The following PCDH15 variants were observed in gnomAD, a reference collection of about 807,000 sequenced individuals.
The protein encoded by PCDH15 is protocadherin-15.
Under a neutral mutation model 178.5 loss-of-function variants are expected in PCDH15, and 129 were observed. That is an observed-to-expected ratio of 0.72 (90% confidence interval 0.63 to 0.84). PCDH15 has a LOEUF of 0.84. Among genes scored for constraint, PCDH15 ranks in the 40% least tolerant of loss-of-function variants. The probability of loss-of-function intolerance (pLI) is 0.00; values close to 1 mark genes in which losing one functional copy is unlikely to be tolerated. For synonymous variants in PCDH15, 800 were observed against 732.0 expected (o/e 1.09, Z -1.50); for missense variants, 2,230 against 2,099.9 (o/e 1.06, Z -1.21).
chr10:54,042,778 T>C (rs549918140), intron 18 of PCDH15, among the ~76,000 whole-genome samples: 1 of 152,256 alleles, frequency 6.6e-6, no homozygotes, highest in African/African-American at 2.4e-5. Context: ...TCATCTAATT[T>C]GCATTTTTAA....
chr10:54,437,371 TGAA>T (rs2075492396), intron 3 of PCDH15, among the ~76,000 whole-genome samples: 1 of 151,800 alleles, frequency 6.6e-6, no homozygotes, highest in Admixed American at 6.6e-5. Flanking sequence ...AATTTGTTAC[TGAA>T]GAAAAAAATT....
intron 7 of PCDH15, among the ~76,000 whole-genome samples, chr10:54,326,251 ATGT>A (rs1405331780): frequency 1.3e-5 from 2 of 152,166 alleles, no homozygotes; most frequent in Non-Finnish European, 2.9e-5. Flanking sequence ...CAGATTTAAA[ATGT>A]TGTGAAAATG....
At chr10:54,868,125 G>C (rs963492938) in intron 3 of PCDH15, among the ~76,000 whole-genome samples, 1 of 151,900 alleles carries the variant, frequency 6.6e-6, no homozygotes, top group Non-Finnish European at 1.5e-5. Flanking sequence ...AAGCTGAGGG[G>C]GAAACGGTTA....
intron 2 of PCDH15, among the ~76,000 whole-genome samples, chr10:55,350,233 A>G: frequency 1.7e-5 from 1 of 58,942 alleles, no homozygotes; most frequent in South Asian, 5.9e-4. Flanking sequence ...AAACTCATAT[A>G]TATATATATA....
chr10:53,900,750 A>G (rs1229331485), intron 26 of PCDH15, among the ~76,000 whole-genome samples: 1 of 152,162 alleles, frequency 6.6e-6, no homozygotes, highest in Non-Finnish European at 1.5e-5. Flanking sequence ...CACAGAGCCC[A>G]GGAGTACAGG....
chr10:55,098,933 A>AGAGAGAGAGAGAGAGAGAGAGAGAGCTC (rs1842513470), intron 2 of PCDH15, among the ~76,000 whole-genome samples: 4 of 131,466 alleles, frequency 3.0e-5, no homozygotes, highest in Non-Finnish European at 5.0e-5. Context: ...AGAGAGAGAG[A>AGAGAGAGAGAGAGAGAGAGAGAGAGCTC]GCTCTTATCC....
At chr10:54,042,769 C>T (rs919754643) in intron 18 of PCDH15, among the ~76,000 whole-genome samples, 1 of 152,044 alleles carries the variant, frequency 6.6e-6, no homozygotes, top group African/African-American at 2.4e-5. Context: ...AAAATGGTGT[C>T]ATCTAATTTG....
At chr10:55,237,462 A>C (rs1841413265) in intron 1 of PCDH15, among the ~76,000 whole-genome samples, 1 of 152,144 alleles carries the variant, frequency 6.6e-6, no homozygotes, top group Admixed American at 6.5e-5. Context: ...CATTTTACAA[A>C]TGTGAAAACT....
chr10:55,197,017 A>AT (rs1184678668), intron 1 of PCDH15, among the ~76,000 whole-genome samples: 2 of 151,910 alleles, frequency 1.3e-5, no homozygotes, highest in African/African-American at 4.8e-5. Flanking sequence ...TTTTGTCACC[A>AT]TTTTTTTAAA....
chr10:55,075,248 C>G (rs1051650592), intron 2 of PCDH15, among the ~76,000 whole-genome samples: 1 of 151,948 alleles, frequency 6.6e-6, no homozygotes, highest in Non-Finnish European at 1.5e-5. Context: ...ATAACAGTCT[C>G]TAATGATTCC....
At chr10:54,399,250 C>G (rs73251625) in intron 3 of PCDH15, among the ~76,000 whole-genome samples, 3,994 of 151,706 alleles carry the variant, frequency 0.026, 168 homozygotes, top group African/African-American at 0.089. Flanking sequence ...GAAAAGAAGC[C>G]ACTGAAGTTC....
chr10:53,974,542 G>A (rs2090033578), intron 21 of PCDH15, among the ~76,000 whole-genome samples: 1 of 151,824 alleles, frequency 6.6e-6, no homozygotes, highest in Non-Finnish European at 1.5e-5. Flanking sequence ...CTATTTATTT[G>A]TGAAATACAG....
At chr10:54,946,743 T>C (rs1035846320) in intron 2 of PCDH15, among the ~76,000 whole-genome samples, 2 of 151,902 alleles carry the variant, frequency 1.3e-5, no homozygotes, top group African/African-American at 4.8e-5. Context: ...CAAGGTGATC[T>C]TATTACTTGA....
intron 3 of PCDH15, among the ~76,000 whole-genome samples, chr10:54,888,740 TTG>T (rs200286294): frequency 2.0e-5 from 3 of 151,624 alleles, no homozygotes; most frequent in Admixed American, 6.6e-5. Flanking sequence ...TTTCCTGTTG[TTG>T]TTTTTTTTCA....
At chr10:55,477,752 A>G (rs1012447729) in intron 2 of PCDH15, among the ~76,000 whole-genome samples, 6 of 151,918 alleles carry the variant, frequency 3.9e-5, no homozygotes, top group African/African-American at 1.4e-4. Context: ...GGTGCCTAGC[A>G]CCATGCTCAG....
chr10:54,716,556 CTGTT>C (rs757123281), intron 1 of PCDH15, among the ~76,000 whole-genome samples: 2 of 151,982 alleles, frequency 1.3e-5, no homozygotes, highest in Admixed American at 6.6e-5. Context: ...ATTTGGCTCT[CTGTT>C]TGTCTGTTAT....
At chr10:55,558,350 T>C (rs1194942662) in intron 2 of PCDH15, among the ~76,000 whole-genome samples, 10 of 152,162 alleles carry the variant, frequency 6.6e-5, no homozygotes, top group African/African-American at 2.4e-4. Context: ...TGGATTGGAA[T>C]TGACTCACAT....
At chr10:55,059,301 A>T (rs1841376415) in intron 2 of PCDH15, among the ~76,000 whole-genome samples, 1 of 152,160 alleles carries the variant, frequency 6.6e-6, no homozygotes, top group Non-Finnish European at 1.5e-5. Flanking sequence ...TAATATATAT[A>T]TTTTATGCCC....
chr10:55,610,361 G>A (rs1236108941), intron 2 of PCDH15, among the ~76,000 whole-genome samples: 1 of 151,948 alleles, frequency 6.6e-6, no homozygotes, highest in Non-Finnish European at 1.5e-5. Flanking sequence ...ATACTCTTAG[G>A]TTCCATGTGA....
Sources: gnomAD v4.1 joint callset for allele counts (sites outside exome capture counted in the v4.1 genomes callset) on GRCh38, gnomAD v4.1.1 for gene constraint, MANE v1.5 for transcripts, NCBI Gene and HGNC (gene_info 2026-07-23, HGNC 2026-07-21) for gene names.